The following SIDT1 variants were observed in gnomAD, a reference collection of about 807,000 sequenced individuals.
SIDT1 encodes SID1 transmembrane family member 1.
In SIDT1, 101 loss-of-function variants were observed where a neutral mutation model predicts 107.5. The ratio of observed to expected loss-of-function variants is 0.94; its 90% CI spans 0.80 to 1.11. The LOEUF (loss-of-function observed/expected upper bound fraction) is 1.11. SIDT1 is among the 50% of genes least tolerant of loss of function. SIDT1 has a pLI of 0.00. For synonymous variants in SIDT1, 395 were observed against 398.2 expected (o/e 0.99, Z 0.10); for missense variants, 1,076 against 1,058.2 (o/e 1.02, Z -0.23).
At chr3:113,567,785 C>A (rs1290594835) in intron 3 of SIDT1, 75 bp downstream of exon 3, 6 of 1,419,088 alleles carry the variant, frequency 4.2e-6, no homozygotes, top group Non-Finnish European at 5.8e-6. Context: ...TCCATCCTTA[C>A]AGACTGGTAC....
rs753462581 is a variant in SIDT1, at chr3:113,567,529, G to A, written c.345-11G>A. 1.2e-6 allele frequency: 2 copies of A among 1,602,900 alleles called. No individual in the cohort carries two copies. The highest frequency in any genetic ancestry group is 2.7e-5 in the African/African-American group (2 of 74,256). ...CTTGTTTATTTTTTTCCCCTATATTGGCTGCTTCAGATACCAGAGGAGCTA... is the reference window on the plus strand; with the variant it reads ...CTTGTTTATTTTTTTCCCCTATATTAGCTGCTTCAGATACCAGAGGAGCTA... On this transcript the variant is annotated splice_polypyrimidine_tract_variant and intron_variant, in intron 2 of 24. Transcript: ENST00000264852.
At chr3:113,544,602 A>G (rs542214979) in intron 1 of SIDT1, among the ~76,000 whole-genome samples, 8 of 152,304 alleles carry the variant, frequency 5.3e-5, no homozygotes, top group Admixed American at 3.3e-4. Flanking sequence ...AGAATGTCTC[A>G]CAATTCAGAT....
intron 19 of SIDT1, among the ~76,000 whole-genome samples, chr3:113,614,781 G>C (rs1945988326): frequency 6.6e-6 from 1 of 152,194 alleles, no homozygotes; most frequent in Non-Finnish European, 1.5e-5. Flanking sequence ...TTTCTCATGA[G>C]AGAGGCTGGA....
chr3:113,614,167 G>A (rs572801357), intron 19 of SIDT1, among the ~76,000 whole-genome samples: 17 of 152,274 alleles, frequency 1.1e-4, no homozygotes, highest in African/African-American at 3.1e-4. Context: ...ACCAGCCTGC[G>A]GTAACCTCAC....
At position 113,623,716 on chromosome 3, in the gene SIDT1, A is replaced by T; in HGVS notation, c.2290A>T (p.Asn764Tyr). 6.2e-7 allele frequency: 1 copy of T among 1,613,588 alleles called. No individual in the cohort carries two copies. The highest frequency in any genetic ancestry group is 8.5e-7 in the Non-Finnish European group (1 of 1,179,610). ...TGCCGCCCTATATTTTTTCTTCCAG[A>T]ATCTCAGCAGCTGGGAGGTAAGAGG... ...WAAALYFFFQ[N>Y]LSSWEGTPAE... The change falls in exon 23 of 25, where the codon AAT becomes TAT. Residue 764 changes from asparagine to tyrosine, a missense_variant. Coordinates refer to ENST00000264852, the MANE Select transcript of SIDT1 (RefSeq NM_017699.3).
chr3:113,553,955 G>A (rs1940563172), intron 1 of SIDT1, among the ~76,000 whole-genome samples: 1 of 152,210 alleles, frequency 6.6e-6, no homozygotes, highest in Admixed American at 6.5e-5. Context: ...GTTGAGGCAG[G>A]AGAATCGCTT....
intron 19 of SIDT1, 64 bp downstream of exon 19, chr3:113,612,258 C>T: frequency 8.7e-7 from 1 of 1,148,158 alleles, no homozygotes; most frequent in Non-Finnish European, 1.3e-6. Context: ...GCAGACACTG[C>T]CTTTACTTAT....
intron 4 of SIDT1, among the ~76,000 whole-genome samples, chr3:113,578,519 G>C (rs912164079): frequency 6.6e-6 from 1 of 151,160 alleles, no homozygotes; most frequent in Non-Finnish European, 1.5e-5. Flanking sequence ...TACAGGAACT[G>C]TATAGTCTAA....
In SIDT1 at chr3:113,608,503, C is replaced by T. The variant is rs764768321; in HGVS notation, c.1687C>T (p.His563Tyr). ...MMEGVLSACY[H>Y]VCPNYSNFQF... ...GGAAGGGGTGCTCAGTGCTTGCTACCATGTCTGCCCTAATTATTCCAACTT... is the reference window on the plus strand; with the variant it reads ...GGAAGGGGTGCTCAGTGCTTGCTACTATGTCTGCCCTAATTATTCCAACTT... The change falls in exon 17 of 25, where the codon CAT becomes TAT. Residue 563 changes from histidine (H) to tyrosine (Y), a missense_variant. Physicochemically the swap from His to Tyr is moderately conservative, Grantham distance 83 (BLOSUM62 2). Transcript: ENST00000264852. The T allele has an allele frequency of 4.3e-6, 7 of 1,613,370 alleles. No individual in the cohort carries two copies. The Admixed American group carries it at 1.2e-4, about 27-fold the overall frequency.
Position 113,567,629 on chromosome 3 carries a change from T to C in SIDT1, c.434T>C (p.Ile145Thr), listed in dbSNP as rs746944395. 107 of 1,614,030 alleles carry C rather than the reference T, an allele frequency of 6.6e-5. No individual in the cohort carries two copies. The highest frequency in any genetic ancestry group is 1.2e-4 in the African/African-American group (9 of 74,922). The change falls in exon 3 of 25, where the codon ATA (isoleucine) becomes ACA (threonine). Residue 145 changes from isoleucine (I) to threonine (T), a missense_variant. Coordinates refer to ENST00000264852, the MANE Select transcript of SIDT1 (RefSeq NM_017699.3). Reference protein sequence around the residue: ...TNETGPLQQLIFVDVASMAPL... With the variant: ...TNETGPLQQLTFVDVASMAPL... Reference sequence around the variant, plus strand: ...GAGACGGGACCCTTGCAGCAACTGATATTTGTAGATGTCGCATCCATGGCA... The same window carrying C: ...GAGACGGGACCCTTGCAGCAACTGACATTTGTAGATGTCGCATCCATGGCA...
Position 113,576,953 on chromosome 3 carries a change from C to G in SIDT1, c.547C>G (p.Pro183Ala). 1 of 1,614,172 alleles carries G rather than the reference C, an allele frequency of 6.2e-7. No homozygotes were observed. Among genetic ancestry groups the G allele is most frequent in the African/African-American group, 1.3e-5 (1 of 75,040 alleles). The stretch of plus-strand genomic sequence containing the variant: ...TGTTGCCTTTCACTTTACTGCCAGC[C>G]CCTCTCAACCTCAGGTAAGTGAAGG... ...TNVAFHFTASPSQPQYFLYKF... is the reference protein window; with the variant it reads ...TNVAFHFTASASQPQYFLYKF... The change falls in exon 4 of 25, where the codon CCC becomes GCC. Residue 183 changes from proline to alanine, a missense_variant. Transcript: ENST00000264852.
intron 1 of SIDT1, among the ~76,000 whole-genome samples, chr3:113,555,800 C>T (rs974606955): frequency 2.0e-5 from 3 of 151,532 alleles, no homozygotes; most frequent in African/African-American, 2.4e-5. Flanking sequence ...TAGCTGGAAG[C>T]CAGGCTGTGA....
the SIDT1 span, among the ~76,000 whole-genome samples, chr3:113,635,370 C>T: frequency 1.3e-5 from 2 of 152,222 alleles, no homozygotes; most frequent in East Asian, 3.9e-4. Flanking sequence ...CATTCAAAAA[C>T]TCAAAAAGTT....
intron 15 of SIDT1, 136 bp from the exon 16 acceptor site, chr3:113,607,958 T>G: frequency 9.7e-7 from 1 of 1,035,626 alleles, no homozygotes; most frequent in Non-Finnish European, 1.3e-6. Flanking sequence ...TCTAATACTT[T>G]TCTGATCTTG....
At chr3:113,589,303 C>T (rs1460841736) in intron 9 of SIDT1, among the ~76,000 whole-genome samples, 1 of 152,152 alleles carries the variant, frequency 6.6e-6, no homozygotes, top group Non-Finnish European at 1.5e-5. Context: ...CTTATCCTAG[C>T]TTTGTAAATC....
chr3:113,606,814 G>A, intron 14 of SIDT1: 1 of 454,158 alleles, frequency 2.2e-6, no homozygotes, highest in Non-Finnish European at 4.0e-6. Context: ...TGCATAAGAG[G>A]GTACACAGAA....
At chr3:113,608,870 T>G (rs1945534866) in intron 17 of SIDT1, among the ~76,000 whole-genome samples, 1 of 152,190 alleles carries the variant, frequency 6.6e-6, no homozygotes. Context: ...ATCATCAGGC[T>G]ATCTTCCCTG....
intron 1 of SIDT1, among the ~76,000 whole-genome samples, chr3:113,555,672 G>C (rs7630708): frequency 0.6 from 91,918 of 151,976 alleles, 28,138 homozygotes; most frequent in Middle Eastern, 0.7. Context: ...TCTGGAAACT[G>C]CTTCTTTCTG....
chr3:113,618,935 G>A (rs1055922745), intron 20 of SIDT1, among the ~76,000 whole-genome samples: 4 of 151,952 alleles, frequency 2.6e-5, no homozygotes, highest in African/African-American at 7.3e-5. Flanking sequence ...AAATCTTCTC[G>A]GGCCTCAGCC....
Sources: gnomAD v4.1 joint callset for allele counts (sites outside exome capture counted in the v4.1 genomes callset) on GRCh38, gnomAD v4.1.1 for gene constraint, MANE v1.5 for transcripts, NCBI Gene and HGNC (gene_info 2026-07-23, HGNC 2026-07-21) for gene names.